The following TNNI3 variants were observed in gnomAD, a reference collection of about 807,000 sequenced individuals.
TNNI3 encodes troponin I3, cardiac type.
Under a neutral mutation model 31.5 loss-of-function variants are expected in TNNI3, and 23 were observed. The observed-to-expected ratio is 0.73, with a 90% confidence interval of 0.52 to 1.03. The LOEUF (loss-of-function observed/expected upper bound fraction) is 1.03, where lower values mean the gene tolerates loss of function less well. Ranked by LOEUF, TNNI3 falls within the 50% of genes least tolerant of loss-of-function variation. The pLI is 0.00. For missense variants in TNNI3, 236 were observed against 282.9 expected (o/e 0.83, Z 1.19); for synonymous variants, 120 against 111.7 (o/e 1.07, Z -0.47).
In TNNI3 at chr19:55,157,357, G is replaced by A. The variant is rs1288004320; in HGVS notation, c.12-49C>T. On this transcript the variant is annotated intron_variant, in intron 1 of 7. Coordinates refer to ENST00000344887, the MANE Select transcript of TNNI3 (RefSeq NM_000363.5). The surrounding 1 kb of genome is among the most constrained non-coding windows in gnomAD (Gnocchi z 6.3). The stretch of plus-strand genomic sequence containing the variant: ...GGGGGTTAGTGGTGGGCTGTGTCCT[G>A]TCTCCTAAGGGACCCCTGGAGTCCC... 3 of 1,611,820 alleles carry A rather than the reference G, an allele frequency of 1.9e-6. No homozygotes were observed. The highest frequency in any genetic ancestry group is 4.5e-5 in the East Asian group (2 of 44,766).
chr19:55,157,012 CG>C lies in TNNI3; in HGVS notation c.108+37del. On this transcript the variant is annotated intron_variant, in intron 3 of 7. Transcript: ENST00000344887. This position sits in a 1 kb window ranked among gnomAD's most constrained non-coding sequence, Gnocchi z 6.3. ...CCACTCCCAGGGTCTTGGATCCCTC[CG>C]GCGCCTGTACTCTGCCCCCAGGAAG... 1 of 1,552,602 alleles carries C rather than the reference CG, an allele frequency of 6.4e-7. No individual in the cohort carries two copies. Among genetic ancestry groups the C allele is most frequent in the Non-Finnish European group, 8.7e-7 (1 of 1,151,134 alleles).
In TNNI3 at chr19:55,157,324, C is replaced by T; in HGVS notation, c.12-16G>A. The T allele has an allele frequency of 6.2e-7, 1 of 1,610,578 alleles. No individual in the cohort carries two copies. The highest frequency in any genetic ancestry group is 1.4e-5 in the African/African-American group (1 of 73,300). On this transcript the variant is annotated splice_polypyrimidine_tract_variant and intron_variant, in intron 1 of 7. Transcript: ENST00000344887. This position sits in a 1 kb window ranked among gnomAD's most constrained non-coding sequence, Gnocchi z 6.3. ...ATCGCTGCTCCTGGAAGGAGAGAAACCAAGGAGGGGGGTTAGTGGTGGGCT... is the reference window on the plus strand; with the variant it reads ...ATCGCTGCTCCTGGAAGGAGAGAAATCAAGGAGGGGGGTTAGTGGTGGGCT...
rs1416453150 is a variant in TNNI3, at chr19:55,157,273, A to G, written c.24+23T>C. 6.2e-7 allele frequency: 1 copy of G among 1,611,944 alleles called. No individual in the cohort carries two copies. The highest frequency in any genetic ancestry group is 1.7e-5 in the Admixed American group (1 of 59,822). ...CACCCTGGCCCTGGGGGTCCCAGCC[A>G]CGCCTTAGCCCGCTGCTCTCACCGC... On this transcript the variant is annotated intron_variant, in intron 2 of 7. Coordinates refer to ENST00000344887, the MANE Select transcript of TNNI3 (RefSeq NM_000363.5). This position sits in a 1 kb window ranked among gnomAD's most constrained non-coding sequence, Gnocchi z 6.3.
Position 55,154,721 on chromosome 19 carries a change from G to A in TNNI3, c.372+20C>T, listed in dbSNP as rs529338677. On this transcript the variant is annotated intron_variant, in intron 6 of 7. Coordinates refer to ENST00000344887, the MANE Select transcript of TNNI3 (RefSeq NM_000363.5). ...ATCTCACCCTACCCCGAAGGTACCCGAGCTGCCCATGCGTCCCACCTCCGT... is the reference window on the plus strand; with the variant it reads ...ATCTCACCCTACCCCGAAGGTACCCAAGCTGCCCATGCGTCCCACCTCCGT... 3.4e-5 allele frequency: 55 copies of A among 1,611,990 alleles called. 1 individual carries two copies. In the Middle Eastern group the frequency reaches 1.5e-3, roughly 44 times the overall value.
rs551160639 is a variant in TNNI3 at position 55,154,966 on chromosome 19, C to A, written c.283-136G>T. 10 of 676,392 alleles carry A rather than the reference C, an allele frequency of 1.5e-5. No individual in the cohort carries two copies. The African/African-American group carries it at 1.8e-4, about 12-fold the overall frequency. 41.9% of individuals were successfully genotyped at this position (676,392 alleles called of 1,614,324 possible). A position where few individuals can be genotyped will look rare whatever the true frequency, so the allele number is the denominator to read the frequency against. On this transcript the variant is annotated intron_variant, in intron 5 of 7. Transcript: ENST00000344887. ...GGAGAAGGGGCTGGGGGCCTGGACT[C>A]CTGGGTCTGAGGGAGGAGTTGGGGG... is the stretch of plus-strand genomic sequence containing the variant.
rs754944128 is a variant in TNNI3, at chr19:55,151,929, C to A, written c.550-12G>T. 2 of 1,613,282 alleles carry A rather than the reference C, an allele frequency of 1.2e-6. No homozygotes were observed. ...ACCTCCCGGTTTTCCTGGAGGATGG[C>A]GATGAGTCAGAGGTTAGGGTCTCTT... On this transcript the variant is annotated splice_polypyrimidine_tract_variant and intron_variant, in intron 7 of 7. Coordinates refer to ENST00000344887, the MANE Select transcript of TNNI3 (RefSeq NM_000363.5).
Position 55,156,682 on chromosome 19 carries a change from G to C in TNNI3, c.109-38C>G. 6.4e-7 allele frequency: 1 copy of C among 1,555,984 alleles called. No homozygotes were observed. The highest frequency in any genetic ancestry group is 8.7e-7 in the Non-Finnish European group (1 of 1,148,362). ...GATGGAGCAAGGAAGGATCATGGAGGGGGATTCGGAGACGACGGTGGAGGG... is the reference window on the plus strand; with the variant it reads ...GATGGAGCAAGGAAGGATCATGGAGCGGGATTCGGAGACGACGGTGGAGGG... On this transcript the variant is annotated intron_variant, in intron 3 of 7. Coordinates refer to ENST00000344887, the MANE Select transcript of TNNI3 (RefSeq NM_000363.5). The surrounding 1 kb of genome is among the most constrained non-coding windows in gnomAD (Gnocchi z 4.6).
rs1207886494 is a variant in TNNI3, at chr19:55,157,661, C to T, written c.-72G>A. The T allele has an allele frequency of 3.1e-6, 5 of 1,592,594 alleles. No homozygotes were observed. The highest frequency in any genetic ancestry group is 1.1e-5 in the South Asian group (1 of 89,962). On this transcript the variant is annotated 5_prime_UTR_variant, in exon 1 of 8. Transcript: ENST00000344887. This position sits in a 1 kb window ranked among gnomAD's most constrained non-coding sequence, Gnocchi z 6.3. ...GCGTTTGGAGGGTCAGTGAGGGGGC[C>T]GCCCGGGTGACCTTCAGGGTCCCAG...
Position 55,154,017 on chromosome 19 carries a change from A to C in TNNI3, c.549+13T>G. ...CCTCAGCATCCTCTTTCCTGGCCTT[A>C]GCCCACACTCACCTTCTCGGTGTCC... On this transcript the variant is annotated intron_variant, in intron 7 of 7. Coordinates refer to ENST00000344887, the MANE Select transcript of TNNI3 (RefSeq NM_000363.5). The C allele has an allele frequency of 6.2e-7, 1 of 1,609,978 alleles. No individual in the cohort carries two copies. Among genetic ancestry groups the C allele is most frequent in the Non-Finnish European group, 8.5e-7 (1 of 1,179,732 alleles).
rs958256810 is a variant in TNNI3, at chr19:55,152,476, G to A, written c.550-559C>T. On this transcript the variant is annotated intron_variant, in intron 7 of 7. Transcript: ENST00000344887. The surrounding 1 kb of genome is among the most constrained non-coding windows in gnomAD (Gnocchi z 4.0). ...TAGTAGCCTAACGCCAGGTCATAAT[G>A]CCTATGTCATCCACCTCACCTCATC... 1.3e-5 allele frequency among the ~76,000 whole-genome samples: 2 copies of A among 152,158 alleles called. No homozygotes were observed. Among genetic ancestry groups the A allele is most frequent in the African/African-American group, 4.8e-5 (2 of 41,430 alleles).
At chr19:55,153,540 A>T (rs2085706183) in intron 7 of TNNI3, among the ~76,000 whole-genome samples, 1 of 152,024 alleles carries the variant, frequency 6.6e-6, no homozygotes, top group South Asian at 2.1e-4. Flanking sequence ...TAATTTAAAA[A>T]AGAAATTTGT....
Position 55,154,809 on chromosome 19 carries a change from C to T in TNNI3, c.304G>A (p.Ala102Thr), listed in dbSNP as rs374618872. The stretch of plus-strand genomic sequence containing the variant: ...TCTTCATCCACCTTGTCCACACGGG[C>T]GTGGAGCTGTCGGCACAAGTCCTGG... ...ELQDLCRQLHARVDKVDEERY... is the reference protein window; with the variant it reads ...ELQDLCRQLHTRVDKVDEERY... Residue 102 changes from alanine to threonine, a missense_variant, in exon 6 of 8, where the codon GCC becomes ACC. Physicochemically the swap from Ala to Thr is moderately conservative, Grantham distance 58. Around this residue, in one of 4 missense-constraint regions of TNNI3, gnomAD observed 172 missense variants for 171.8 expected, o/e 1.00. Coordinates refer to ENST00000344887, the MANE Select transcript of TNNI3 (RefSeq NM_000363.5). The T allele has an allele frequency of 2.4e-5, 38 of 1,614,056 alleles. No homozygotes were observed. Among genetic ancestry groups the T allele is most frequent in the African/African-American group, 5.3e-5 (4 of 74,932 alleles).
In TNNI3 at chr19:55,156,207, C is replaced by G; in HGVS notation, c.276G>C (p.Glu92Asp). 1 of 1,612,782 alleles carries G rather than the reference C, an allele frequency of 6.2e-7. No individual in the cohort carries two copies. The highest frequency in any genetic ancestry group is 1.1e-5 in the South Asian group (1 of 91,084). ...PLELAGLGFA[E>D]LQDLCRQLHA... Reference sequence around the variant, plus strand: ...CATCCTTGGGAGCCGGTACCTGCAGCTCCGCGAAGCCCAGCCCGGCCAACT... The same window carrying G: ...CATCCTTGGGAGCCGGTACCTGCAGGTCCGCGAAGCCCAGCCCGGCCAACT... The change falls in exon 5 of 8, where the codon GAG becomes GAC. Residue 92 changes from glutamate (E) to aspartate (D), a missense_variant. Coordinates refer to ENST00000344887, the MANE Select transcript of TNNI3 (RefSeq NM_000363.5). This position sits in a 1 kb window ranked among gnomAD's most constrained non-coding sequence, Gnocchi z 4.6.
chr19:55,156,693 G>C lies in TNNI3; in HGVS notation c.109-49C>G. ...GAAGGATCATGGAGGGGGATTCGGA[G>C]ACGACGGTGGAGGGGACCTCAAGAC... On this transcript the variant is annotated intron_variant, in intron 3 of 7. Transcript: ENST00000344887. This position sits in a 1 kb window ranked among gnomAD's most constrained non-coding sequence, Gnocchi z 4.6. 6.5e-7 allele frequency: 1 copy of C among 1,548,880 alleles called. No homozygotes were observed. The highest frequency in any genetic ancestry group is 8.7e-7 in the Non-Finnish European group (1 of 1,143,450).
chr19:55,157,690 C>A lies in TNNI3; in HGVS notation c.-101G>T. 7.1e-7 allele frequency: 1 copy of A among 1,398,658 alleles called. No homozygotes were observed. Among genetic ancestry groups the A allele is most frequent in the Non-Finnish European group, 1.0e-6 (1 of 992,026 alleles). The allele number at this position is 1,398,658 out of a possible 1,614,324, so 86.6% of individuals were successfully genotyped here. ...CGGGTGACCTTCAGGGTCCCAGGGA[C>A]CGTCAGTCTCCTCCGGGCTGCTTGA... is the stretch of plus-strand genomic sequence containing the variant. On this transcript the variant is annotated 5_prime_UTR_variant, in exon 1 of 8. Transcript: ENST00000344887. This position sits in a 1 kb window ranked among gnomAD's most constrained non-coding sequence, Gnocchi z 6.3.
intron 6 of TNNI3, 104 bp downstream of exon 6, chr19:55,154,637 T>C: frequency 1.0e-6 from 1 of 966,306 alleles, no homozygotes; most frequent in Non-Finnish European, 1.6e-6. Context: ...GTCCTGGGTC[T>C]CCTGGGATGT....
rs1599910858 is a variant in TNNI3 at position 55,156,006 on chromosome 19, T to A, written c.282+195A>T. On this transcript the variant is annotated intron_variant, in intron 5 of 7. Transcript: ENST00000344887. The surrounding 1 kb of genome is among the most constrained non-coding windows in gnomAD (Gnocchi z 4.6). ...TGTCTGGGATAGGAGGGCCACATGG[T>A]CCTGAAGGAGTAGGTTGGAGCCAAG... is the stretch of plus-strand genomic sequence containing the variant. Among the ~76,000 whole-genome samples, 1 of 151,884 alleles carries A rather than the reference T, an allele frequency of 6.6e-6. No homozygotes were observed. The highest frequency in any genetic ancestry group is 2.4e-5 in the African/African-American group (1 of 41,290).
Position 55,157,606 on chromosome 19 carries a change from G to T in TNNI3, c.-17C>A, listed in dbSNP as rs1439592517. On this transcript the variant is annotated 5_prime_UTR_variant, in exon 1 of 8. Coordinates refer to ENST00000344887, the MANE Select transcript of TNNI3 (RefSeq NM_000363.5). This position sits in a 1 kb window ranked among gnomAD's most constrained non-coding sequence, Gnocchi z 6.3. ...ATCCGCCATGCTGAGACTCAGGCCGGGAATGGCAGGAGGCAGGGCGAGGAC... is the reference window on the plus strand; with the variant it reads ...ATCCGCCATGCTGAGACTCAGGCCGTGAATGGCAGGAGGCAGGGCGAGGAC... 51 of 1,613,880 alleles carry T rather than the reference G, an allele frequency of 3.2e-5. No homozygotes were observed. Among genetic ancestry groups the T allele is most frequent in the Non-Finnish European group, 4.1e-5 (48 of 1,179,960 alleles).
rs1343981913 is a variant in TNNI3 at position 55,157,348 on chromosome 19, C to T, written c.12-40G>A. 5 of 1,585,210 alleles carry T rather than the reference C, an allele frequency of 3.2e-6. No individual in the cohort carries two copies. Among genetic ancestry groups the T allele is most frequent in the Non-Finnish European group, 4.3e-6 (5 of 1,174,802 alleles). ...ACCAAGGAGGGGGGTTAGTGGTGGG[C>T]TGTGTCCTGTCTCCTAAGGGACCCC... On this transcript the variant is annotated intron_variant, in intron 1 of 7. Transcript: ENST00000344887. The surrounding 1 kb of genome is among the most constrained non-coding windows in gnomAD (Gnocchi z 6.3).
Sources: allele counts gnomAD v4.1 joint callset (sites outside exome capture counted in the v4.1 genomes callset), GRCh38; gene constraint gnomAD v4.1.1; regional missense constraint gnomAD v4.1.1; non-coding constraint Gnocchi (gnomAD v3.1); transcripts MANE v1.5; gene names NCBI Gene and HGNC (gene_info 2026-07-23, HGNC 2026-07-21).